The following COQ9 variants were observed in gnomAD, a reference collection of about 807,000 sequenced individuals.
COQ9 encodes the protein ubiquinone biosynthesis protein COQ9, mitochondrial.
In COQ9, 35 loss-of-function variants were observed where a neutral mutation model predicts 42.4. The ratio of observed to expected loss-of-function variants is 0.83; its 90% CI spans 0.63 to 1.10. The LOEUF (loss-of-function observed/expected upper bound fraction) is 1.10. Ranked by LOEUF, COQ9 falls within the 50% of genes least tolerant of loss-of-function variation. The pLI is 0.00. For missense variants in COQ9, 406 were observed against 414.6 expected, an observed-to-expected ratio of 0.98 and a Z score of 0.18; for synonymous variants, 155 against 155.1, an observed-to-expected ratio of 1.00 and a Z score of 0.00.
chr16:57,455,121 T>G (rs1168433130), intron 3 of COQ9, among the ~76,000 whole-genome samples: 1 of 151,946 alleles, frequency 6.6e-6, no homozygotes, highest in African/African-American at 2.4e-5. Context: ...AGTTCAGGAA[T>G]AGCTTGGACA....
In COQ9 at chr16:57,450,968, T is replaced by C. The variant is rs535489032; in HGVS notation, c.74-72T>C. On this transcript the variant is annotated intron_variant, in intron 1 of 8. Coordinates refer to ENST00000262507, the MANE Select transcript of COQ9 (RefSeq NM_020312.4). ...TCTGGCCTGCTTTTCCTCCTCCTTA[T>C]CTGTGTTACCACTCTGGGTCTGAAA... 9.1e-6 allele frequency: 14 copies of C among 1,541,840 alleles called. No homozygotes were observed. The East Asian group carries it at 2.3e-4, about 25-fold the overall frequency.
chr16:57,456,724 G>A, intron 4 of COQ9, 78 bp downstream of exon 4: 3 of 1,534,574 alleles, frequency 2.0e-6, no homozygotes, highest in Non-Finnish European at 2.7e-6. Context: ...TGCCCAGGAG[G>A]CCAATCCAAG....
chr16:57,457,190 A>G (rs539289599), intron 5 of COQ9, 175 bp downstream of exon 5: 1 of 691,332 alleles, frequency 1.4e-6, no homozygotes, highest in East Asian at 2.8e-5. Context: ...GACATACCAA[A>G]GAGAGTGACT....
intron 1 of COQ9, among the ~76,000 whole-genome samples, chr16:57,448,192 C>G (rs748441803): frequency 8.5e-5 from 13 of 152,138 alleles, no homozygotes; most frequent in Non-Finnish European, 1.8e-4. Context: ...TGTATTTCAC[C>G]TAAAATCTTC....
intron 2 of COQ9, among the ~76,000 whole-genome samples, 198 bp from the exon 3 acceptor site, chr16:57,452,603 C>T (rs1465276680): frequency 6.6e-6 from 1 of 152,198 alleles, no homozygotes; most frequent in Non-Finnish European, 1.5e-5. Context: ...GATCACGCCA[C>T]TGGACTCCAG....
At chr16:57,447,652 C>A in intron 1 of COQ9, 74 bp downstream of exon 1, 2 of 1,181,542 alleles carry the variant, frequency 1.7e-6, no homozygotes, top group Non-Finnish European at 2.1e-6. Flanking sequence ...CTGGGTTCGA[C>A]GGTGGGGGGA....
rs1269157704 is a variant in COQ9 at position 57,461,101 on chromosome 16, T to A, written c.*477T>A. The A allele has an allele frequency of 1.5e-5, 7 of 453,432 alleles. No individual in the cohort carries two copies. In the Admixed American group the frequency reaches 1.7e-4, roughly 11 times the overall value. The allele number at this position is 453,432 out of a possible 1,614,324, so 28.1% of individuals were successfully genotyped here. On this transcript the variant is annotated 3_prime_UTR_variant, in exon 9 of 9. Transcript: ENST00000262507. Reference sequence around the variant, plus strand: ...CTTGCAGCCCCCTCCCTCTCAGGTGTCCTGAGATGCTGTTCCTGGGAGCCC... The same window carrying A: ...CTTGCAGCCCCCTCCCTCTCAGGTGACCTGAGATGCTGTTCCTGGGAGCCC...
intron 1 of COQ9, among the ~76,000 whole-genome samples, chr16:57,448,827 C>A (rs2030206704): frequency 6.6e-6 from 1 of 151,960 alleles, no homozygotes; most frequent in Non-Finnish European, 1.5e-5. Context: ...AAAGTTAGTA[C>A]AAGTATATTC....
chr16:57,455,584 T>C (rs1598038341), intron 3 of COQ9, among the ~76,000 whole-genome samples: 2 of 149,910 alleles, frequency 1.3e-5, no homozygotes, highest in Non-Finnish European at 3.0e-5. Context: ...AGCAGGAGAG[T>C]GTGGATTAAG....
chr16:57,457,005 A>G lies in COQ9; in HGVS notation c.596A>G (p.His199Arg). Residue 199 changes from histidine (H) to arginine (R), a missense_variant, in exon 5 of 9, where the codon CAC (histidine) becomes CGC (arginine). Physicochemically the swap from His to Arg is conservative, Grantham distance 29 (BLOSUM62 0). Coordinates refer to ENST00000262507, the MANE Select transcript of COQ9 (RefSeq NM_020312.4). ...AGAATGCTGATCCCATACATTGAGC[A>G]CTGGCCCCGGGTACCAAGTCTATAT... is the stretch of plus-strand genomic sequence containing the variant. ...RLRMLIPYIE[H>R]WPRALSILML... The G allele has an allele frequency of 3.1e-6, 5 of 1,613,538 alleles. No homozygotes were observed. Among genetic ancestry groups the G allele is most frequent in the Non-Finnish European group, 4.2e-6 (5 of 1,179,440 alleles).
In COQ9 at chr16:57,450,831, A is replaced by C. The variant is rs541918698; in HGVS notation, c.74-209A>C. ...AGAAACAGGTCAAGATGCTAGGTAG[A>C]TCATTTTTCCTGGCTTACCACTTTT... On this transcript the variant is annotated intron_variant, in intron 1 of 8. Coordinates refer to ENST00000262507, the MANE Select transcript of COQ9 (RefSeq NM_020312.4). 6.3e-6 allele frequency: 4 copies of C among 637,032 alleles called. No individual in the cohort carries two copies. The African/African-American group carries it at 7.2e-5, about 12-fold the overall frequency. The allele number at this position is 637,032 out of a possible 1,614,324, so 39.5% of individuals were successfully genotyped here.
chr16:57,459,459 A>C, intron 6 of COQ9, 106 bp from the exon 7 acceptor site: 1 of 1,081,402 alleles, frequency 9.2e-7, no homozygotes, highest in Admixed American at 1.8e-5. Context: ...TGTATCTGTG[A>C]CAGTCAAGAA....
At chr16:57,449,650 TAC>T (rs1196124110) in intron 1 of COQ9, among the ~76,000 whole-genome samples, 1 of 151,972 alleles carries the variant, frequency 6.6e-6, no homozygotes. Flanking sequence ...TATATATATA[TAC>T]ACACACATAT....
At chr16:57,460,542 G>T (rs370581166) in intron 8 of COQ9, 47 bp from the exon 9 acceptor site, 18 of 1,590,544 alleles carry the variant, frequency 1.1e-5, no homozygotes, top group Non-Finnish European at 1.6e-5. Flanking sequence ...AGAGTCTAGA[G>T]GCAAGGTAAG....
At chr16:57,456,776 G>A in intron 4 of COQ9, 130 bp downstream of exon 4, 1 of 1,358,140 alleles carries the variant, frequency 7.4e-7, no homozygotes, top group Non-Finnish European at 1.0e-6. Context: ...CTGCTGCTGT[G>A]ATGGGACTGA....
Position 57,459,768 on chromosome 16 carries a change from A to G in COQ9, c.867+48A>G, listed in dbSNP as rs368019044. The G allele has an allele frequency of 6.9e-6, 11 of 1,603,320 alleles. No individual in the cohort carries two copies. The African/African-American group carries it at 1.1e-4, about 16-fold the overall frequency. The stretch of plus-strand genomic sequence containing the variant: ...GGAACCCTCTTTAGAAGGCATACCT[A>G]TTCTCCTCAGGTCACAGCTGGTCTT... On this transcript the variant is annotated intron_variant, in intron 7 of 8. Coordinates refer to ENST00000262507, the MANE Select transcript of COQ9 (RefSeq NM_020312.4).
In COQ9 at chr16:57,461,020, C is replaced by T. The variant is rs1299570610; in HGVS notation, c.*396C>T. The T allele has an allele frequency of 2.7e-6, 1 of 368,996 alleles. No homozygotes were observed. The allele number at this position is 368,996 out of a possible 1,614,324, so 22.9% of individuals were successfully genotyped here. A position where few individuals can be genotyped will look rare whatever the true frequency, so the allele number is the denominator to read the frequency against. ...AGCCAGAGTCAAGGTCTGACGCCAC[C>T]TCAAGGTGACAGCTCATCTCCAGCA... On this transcript the variant is annotated 3_prime_UTR_variant, in exon 9 of 9. Coordinates refer to ENST00000262507, the MANE Select transcript of COQ9 (RefSeq NM_020312.4).
At chr16:57,448,343 T>TC (rs2030187438) in intron 1 of COQ9, among the ~76,000 whole-genome samples, 1 of 151,136 alleles carries the variant, frequency 6.6e-6, no homozygotes, top group Non-Finnish European at 1.5e-5. Context: ...TTCTTTTTTT[T>TC]CTTTTTTTTT....
rs557948705 is a variant in COQ9 at position 57,457,246 on chromosome 16, C to G, written c.606+231C>G. ...CTTGGAAATGTGAGTGGTCCGGGTA[C>G]TGGATCCCATCCTGGGTGGGGTTCT... On this transcript the variant is annotated intron_variant, in intron 5 of 8. Transcript: ENST00000262507. The G allele has an allele frequency of 2.9e-5, 18 of 612,124 alleles. No individual in the cohort carries two copies. The East Asian group carries it at 5.6e-4, about 19-fold the overall frequency. 37.9% of individuals were successfully genotyped at this position (612,124 alleles called of 1,614,324 possible).
Sources: allele counts gnomAD v4.1 joint callset (sites outside exome capture counted in the v4.1 genomes callset), GRCh38; gene constraint gnomAD v4.1.1; transcripts MANE v1.5; gene names NCBI Gene and HGNC (gene_info 2026-07-23, HGNC 2026-07-21).